Variants in DPP10 observed in about 807,000 individuals in gnomAD.
DPP10 encodes inactive dipeptidyl peptidase 10.
Under a neutral mutation model 120.9 loss-of-function variants are expected in DPP10, and 33 were observed. That is an observed-to-expected ratio of 0.27 (90% CI 0.21 to 0.37). The LOEUF is 0.37. Among genes scored for constraint, DPP10 ranks in the 10% least tolerant of loss-of-function variants. DPP10 has a pLI of 1.00. For synonymous variants in DPP10, 337 were observed against 326.1 expected, an observed-to-expected ratio of 1.03 and a Z score of -0.36; for missense variants, 816 against 942.8, an observed-to-expected ratio of 0.87 and a Z score of 1.76.
intron 5 of DPP10, chr2:115,579,046 A>C (rs2081858041): frequency 6.6e-6 from 1 of 152,252 alleles, no homozygotes; most frequent in Admixed American, 6.5e-5. Context: ...CACTGTTATA[A>C]GCATTTTATA....
chr2:114,653,739 G>A (rs1461761081), intron 1 of DPP10, among the ~76,000 whole-genome samples: 1 of 152,174 alleles, frequency 6.6e-6, no homozygotes, highest in Non-Finnish European at 1.5e-5. Flanking sequence ...GGAATTCTCA[G>A]TGGCTGGGCT....
At chr2:115,193,428 C>A (rs1338401894) in intron 1 of DPP10, among the ~76,000 whole-genome samples, 1 of 152,072 alleles carries the variant, frequency 6.6e-6, no homozygotes, top group East Asian at 1.9e-4. Flanking sequence ...ACAGTGTTAA[C>A]TTTTAGCAAA....
At chr2:114,524,485 A>G (rs1685329556) in intron 1 of DPP10, among the ~76,000 whole-genome samples, 1 of 152,174 alleles carries the variant, frequency 6.6e-6, no homozygotes. Flanking sequence ...TGAAAATCAC[A>G]CCCAAAATAT....
intron 1 of DPP10, among the ~76,000 whole-genome samples, chr2:114,961,969 TA>T (rs1354245586): frequency 1.3e-5 from 2 of 152,000 alleles, no homozygotes; most frequent in Non-Finnish European, 2.9e-5. Flanking sequence ...ATAATAATAA[TA>T]AAAAATAAAA....
chr2:115,327,309 C>T (rs2062426789), intron 2 of DPP10, among the ~76,000 whole-genome samples: 1 of 151,950 alleles, frequency 6.6e-6, no homozygotes, highest in Admixed American at 6.6e-5. Flanking sequence ...ATAGCACATT[C>T]CTCAGAACAT....
intron 1 of DPP10, among the ~76,000 whole-genome samples, chr2:114,534,419 G>A (rs574001865): frequency 6.6e-6 from 1 of 152,060 alleles, no homozygotes; most frequent in Non-Finnish European, 1.5e-5. Flanking sequence ...ACTACTCAGA[G>A]GTTTATTTGA....
At chr2:114,893,882 A>G (rs1271314711) in intron 1 of DPP10, among the ~76,000 whole-genome samples, 1 of 152,182 alleles carries the variant, frequency 6.6e-6, no homozygotes, top group Non-Finnish European at 1.5e-5. Flanking sequence ...GCTCTGTGCA[A>G]CTTCGCTAGA....
intron 19 of DPP10, among the ~76,000 whole-genome samples, chr2:115,801,203 A>C (rs199753517): frequency 1.5e-3 from 222 of 152,220 alleles, no homozygotes; most frequent in Middle Eastern, 3.4e-3. Context: ...AACAATTGTG[A>C]ATGGGAGTTC....
intron 1 of DPP10, among the ~76,000 whole-genome samples, chr2:114,834,520 A>ACATATCTATGCACCTATGTATATATAAGC (rs1687473408): frequency 1.1e-5 from 1 of 87,222 alleles, no homozygotes; most frequent in Admixed American, 1.2e-4. Flanking sequence ...TATATATAAG[A>ACATATCTATGCACCTATGTATATATAAGC]CATATCTACG....
At chr2:115,225,151 G>C (rs1224399302) in intron 1 of DPP10, among the ~76,000 whole-genome samples, 1 of 152,160 alleles carries the variant, frequency 6.6e-6, no homozygotes, top group East Asian at 1.9e-4. Flanking sequence ...CATTTGTGGG[G>C]AGGAATATTC....
At chr2:114,874,505 G>A (rs1477311899) in intron 1 of DPP10, among the ~76,000 whole-genome samples, 1 of 151,818 alleles carries the variant, frequency 6.6e-6, no homozygotes, top group East Asian at 1.9e-4. Flanking sequence ...CACATTTCGG[G>A]TGTCACTGTC....
At chr2:115,309,613 C>T (rs1428639404) in intron 2 of DPP10, among the ~76,000 whole-genome samples, 1 of 151,930 alleles carries the variant, frequency 6.6e-6, no homozygotes, top group East Asian at 1.9e-4. Context: ...GTCTCCATTG[C>T]CACTTACAGA....
intron 1 of DPP10, among the ~76,000 whole-genome samples, chr2:115,279,703 C>G (rs2060079594): frequency 8.2e-6 from 1 of 121,586 alleles, no homozygotes; most frequent in Non-Finnish European, 1.6e-5. Context: ...TTTCTGTCGC[C>G]CAGGCTGGAG....
At chr2:115,081,349 T>C (rs1708258685) in intron 1 of DPP10, among the ~76,000 whole-genome samples, 1 of 152,232 alleles carries the variant, frequency 6.6e-6, no homozygotes, top group Admixed American at 6.5e-5. Flanking sequence ...AGATAATTGT[T>C]TGCAAGCTAT....
At chr2:115,279,652 C>CTTTT (rs1244784112) in intron 1 of DPP10, among the ~76,000 whole-genome samples, 7 of 35,230 alleles carry the variant, frequency 2.0e-4, no homozygotes, top group Non-Finnish European at 2.4e-4. Flanking sequence ...TTTTTTTCTT[C>CTTTT]TTCTTTTTTT....
At chr2:115,032,845 A>G (rs564052120) in intron 1 of DPP10, among the ~76,000 whole-genome samples, 3 of 151,108 alleles carry the variant, frequency 2.0e-5, no homozygotes, top group Non-Finnish European at 3.0e-5. Context: ...AGATCGCGCC[A>G]TTGTACTCCA....
At chr2:114,723,257 T>A (rs1200107103) in intron 1 of DPP10, among the ~76,000 whole-genome samples, 1 of 152,188 alleles carries the variant, frequency 6.6e-6, no homozygotes, top group Admixed American at 6.5e-5. Flanking sequence ...TCATGAGAAC[T>A]TTGTTAAAAT....
intron 1 of DPP10, among the ~76,000 whole-genome samples, chr2:115,242,355 G>A (rs189592536): frequency 6.6e-6 from 1 of 151,846 alleles, no homozygotes; most frequent in Admixed American, 6.6e-5. Context: ...TTCTTTTATG[G>A]CTGAGTAGTA....
chr2:115,442,500 G>A (rs912938232), intron 3 of DPP10, among the ~76,000 whole-genome samples: 1 of 152,054 alleles, frequency 6.6e-6, no homozygotes, highest in African/African-American at 2.4e-5. Flanking sequence ...TCAGTGTCCA[G>A]TGGAATGTTG....
Sources: allele counts gnomAD v4.1 joint callset (sites outside exome capture counted in the v4.1 genomes callset), GRCh38; gene constraint gnomAD v4.1.1; transcripts MANE v1.5; gene names NCBI Gene and HGNC (gene_info 2026-07-23, HGNC 2026-07-21).